ENO1: variants seen among roughly 807,000 people sequenced by gnomAD.
ENO1 encodes the protein enolase 1, also known as alpha-enolase.
A neutral mutation model predicts 46.3 loss-of-function variants in ENO1; 33 were observed. That is an observed-to-expected ratio of 0.71 (90% CI 0.54 to 0.95). The LOEUF is 0.95. Ranked by LOEUF, ENO1 falls within the 40% of genes least tolerant of loss-of-function variation. The probability of loss-of-function intolerance (pLI) is 0.00; values close to 1 mark genes in which losing one functional copy is unlikely to be tolerated. For missense variants in ENO1, 488 were observed against 553.3 expected (o/e 0.88, Z 1.18); for synonymous variants, 220 against 216.0 (o/e 1.02, Z -0.16).
chr1:8,871,888 T>C lies in ENO1; in HGVS notation c.181+3A>G, dbSNP rs930603646. The C allele has an allele frequency of 6.2e-7, 1 of 1,613,582 alleles. No homozygotes were observed. The highest frequency in any genetic ancestry group is 2.2e-5 in the East Asian group (1 of 44,876). ...GCCATGGGCTGTGGGTTCTAAGGCT[T>C]ACCCTTCCCCATATAGCGAGTCTTA... On this transcript the variant is annotated splice_donor_region_variant and intron_variant, in intron 3 of 11. Coordinates refer to ENST00000234590, the MANE Select transcript of ENO1 (RefSeq NM_001428.5).
Position 8,863,959 on chromosome 1 carries a change from G to T in ENO1, c.999C>A (p.Asn333Lys), listed in dbSNP as rs146867004. 6.2e-7 allele frequency: 1 copy of T among 1,613,970 alleles called. No individual in the cohort carries two copies. Among genetic ancestry groups the T allele is most frequent in the Admixed American group, 1.7e-5 (1 of 60,000 alleles). Reference sequence around the variant, plus strand: ...GCAGGAGGCAGTTGCAGGACTTCTCGTTCACGGCCTTGGCGATCCTCTTTG... The same window carrying T: ...GCAGGAGGCAGTTGCAGGACTTCTCTTTCACGGCCTTGGCGATCCTCTTTG... ...TNPKRIAKAV[N>K]EKSCNCLLLK... Residue 333 changes from asparagine (N) to lysine (K), a missense_variant, in exon 9 of 12, where the codon AAC (asparagine) becomes AAA (lysine). By Grantham distance (94) the Asn-to-Lys change is moderately conservative. Transcript: ENST00000234590.
chr1:8,874,940 A>C, intron 1 of ENO1, 23 bp from the exon 2 acceptor site: 2 of 1,587,176 alleles, frequency 1.3e-6, no homozygotes, highest in Non-Finnish European at 8.6e-7. Context: ...CACACAGTTC[A>C]TGTTTTCCAT....
chr1:8,874,577 CAAAAAA>C (rs140269736), intron 2 of ENO1, among the ~76,000 whole-genome samples: 51 of 51,600 alleles, frequency 9.9e-4, no homozygotes, highest in African/African-American at 2.8e-3. Flanking sequence ...GACTCCATCT[CAAAAAA>C]AAAAAAAAAA....
Position 8,871,633 on chromosome 1 carries a change from A to G in ENO1, c.181+258T>C, listed in dbSNP as rs532981560. On this transcript the variant is annotated intron_variant, in intron 3 of 11. Transcript: ENST00000234590. ...TCCTAACCGTGAAGGAGTATTTCGC[A>G]GATTGGGAACAAACTGCAATAGAAG... is the stretch of plus-strand genomic sequence containing the variant. The G allele has an allele frequency of 3.0e-4, 392 of 1,285,874 alleles. 3 individuals are homozygous for G. In the South Asian group the frequency reaches 7.6e-3, roughly 25 times the overall value. 79.7% of individuals were successfully genotyped at this position (1,285,874 alleles called of 1,614,324 possible). A position where few individuals can be genotyped will look rare whatever the true frequency, so the allele number is the denominator to read the frequency against.
chr1:8,871,872 TG>T lies in ENO1; in HGVS notation c.181+18del, dbSNP rs1553156583. On this transcript the variant is annotated intron_variant, in intron 3 of 11. Transcript: ENST00000234590. ...GGCTGGAAGCAGGGAGGCCATGGGC[TG>T]TGGGTTCTAAGGCTTACCCTTCCCC... The T allele has an allele frequency of 1.9e-5, 31 of 1,611,552 alleles. No homozygotes were observed. Among genetic ancestry groups the T allele is most frequent in the Non-Finnish European group, 2.5e-5 (30 of 1,178,392 alleles).
At position 8,867,048 on chromosome 1, in the gene ENO1, G is replaced by A; in HGVS notation, c.444+69C>T. The A allele has an allele frequency of 1.3e-5, 21 of 1,579,178 alleles. No individual in the cohort carries two copies. The South Asian group carries it at 2.4e-4, about 18-fold the overall frequency. On this transcript the variant is annotated intron_variant, in intron 6 of 11. Coordinates refer to ENST00000234590, the MANE Select transcript of ENO1 (RefSeq NM_001428.5). ...GTGTTAGGATATCAAGGCATAGGAG[G>A]TCTCGGGTCCCCAACAGCAAGCTGA...
intron 1 of ENO1, among the ~76,000 whole-genome samples, chr1:8,876,797 G>GAAA (rs568724753): frequency 7.6e-6 from 1 of 131,618 alleles, no homozygotes; most frequent in Non-Finnish European, 1.7e-5. Context: ...CTCCGTCTCA[G>GAAA]AAAAAAAAAA....
Position 8,862,880 on chromosome 1 carries a change from T to C in ENO1, c.1235+7A>G. On this transcript the variant is annotated splice_region_variant and intron_variant, in intron 11 of 11. Transcript: ENST00000234590. ...ACAGGCCCCTTGTTCTCAGGAGCCC[T>C]CCTTACCTGAGGAGCTGGTTGTACT... is the stretch of plus-strand genomic sequence containing the variant. 2 of 1,613,940 alleles carry C rather than the reference T, an allele frequency of 1.2e-6. No individual in the cohort carries two copies. The highest frequency in any genetic ancestry group is 1.7e-6 in the Non-Finnish European group (2 of 1,179,898).
intron 4 of ENO1, among the ~76,000 whole-genome samples, chr1:8,869,925 G>A (rs765509816): frequency 2.0e-5 from 3 of 152,198 alleles, no homozygotes; most frequent in Non-Finnish European, 4.4e-5. Context: ...GAATTACGGA[G>A]GGACGGGCCG....
intron 7 of ENO1, 44 bp downstream of exon 7, chr1:8,866,235 G>C (rs1642510901): frequency 6.3e-7 from 1 of 1,587,986 alleles, no homozygotes; most frequent in Non-Finnish European, 8.6e-7. Context: ...GAGGGAGCTG[G>C]CGCTGCAGGG....
At chr1:8,878,478 G>A (rs1238742025) in intron 1 of ENO1, 102 bp downstream of exon 1, 1 of 382,306 alleles carries the variant, frequency 2.6e-6, no homozygotes, top group East Asian at 7.7e-5. Context: ...CCGCCACGCT[G>A]GGCCTGCGGG....
Position 8,868,028 on chromosome 1 carries a change from A to G in ENO1, c.270T>C (p.Ile90=), listed in dbSNP as rs751131103. The G allele has an allele frequency of 2.5e-6, 4 of 1,614,092 alleles. No individual in the cohort carries two copies. Among genetic ancestry groups the G allele is most frequent in the Non-Finnish European group, 3.4e-6 (4 of 1,179,986 alleles). Residue 90 remains isoleucine (I), a synonymous_variant, in exon 5 of 12, where the codon ATT becomes ATC. Transcript: ENST00000234590. ...KKLNVTEQEK[I]DKLMIEMDGT... is the part of the protein sequence containing the mutation. ...CATCCATCTCGATCATCAGTTTGTC[A>G]ATCTTCTCTTGTTCTGTGACGTTCA...
chr1:8,866,076 CAAAA>C (rs70985533), intron 7 of ENO1, 199 bp downstream of exon 7: 837 of 364,022 alleles, frequency 2.3e-3, no homozygotes, highest in Middle Eastern at 4.5e-3. Flanking sequence ...GACTCCATCT[CAAAA>C]AAAAAAAAAA....
chr1:8,874,468 C>A (rs1217782495), intron 2 of ENO1, among the ~76,000 whole-genome samples: 3 of 145,242 alleles, frequency 2.1e-5, no homozygotes, highest in South Asian at 2.2e-4. Flanking sequence ...GTCCCAGCTA[C>A]TTGGGAGGCT....
At chr1:8,866,175 G>T in intron 7 of ENO1, 104 bp downstream of exon 7, 1 of 972,924 alleles carries the variant, frequency 1.0e-6, no homozygotes, top group Non-Finnish European at 1.6e-6. Flanking sequence ...ACAAACTACA[G>T]GTGGAAAGAA....
chr1:8,862,427 A>G (rs889845010), intron 11 of ENO1, among the ~76,000 whole-genome samples: 1 of 152,210 alleles, frequency 6.6e-6, no homozygotes, highest in African/African-American at 2.4e-5. Context: ...TCCCAAGGAC[A>G]CAGACAGGAA....
intron 2 of ENO1, among the ~76,000 whole-genome samples, chr1:8,874,500 C>T (rs542722476): frequency 2.2e-5 from 3 of 138,524 alleles, no homozygotes; most frequent in Admixed American, 8.0e-5. Context: ...ATTGCTTGAA[C>T]CTGGGAGGCA....
intron 7 of ENO1, among the ~76,000 whole-genome samples, chr1:8,865,785 C>T (rs988408790): frequency 6.6e-6 from 1 of 152,154 alleles, no homozygotes; most frequent in Admixed American, 6.5e-5. Flanking sequence ...TTACAGTAAG[C>T]AGCTGAGATC....
intron 3 of ENO1, chr1:8,871,165 C>T: frequency 9.0e-7 from 1 of 1,106,378 alleles, no homozygotes; most frequent in Non-Finnish European, 1.1e-6. Context: ...TAAAGCGGGA[C>T]TGAACACCCA....
Sources: allele counts gnomAD v4.1 joint callset (sites outside exome capture counted in the v4.1 genomes callset), GRCh38; gene constraint gnomAD v4.1.1; transcripts MANE v1.5; gene names NCBI Gene and HGNC (gene_info 2026-07-23, HGNC 2026-07-21).